Variants in DBNDD2 observed in about 807,000 individuals in gnomAD.
The protein encoded by DBNDD2 is dysbindin domain containing 2.
DBNDD2 carries 8 observed loss-of-function variants against 14.0 expected under a neutral mutation model. That is an observed-to-expected ratio of 0.57 (90% confidence interval 0.33 to 1.03). The LOEUF is 1.03. Ranked by LOEUF, DBNDD2 falls within the 50% of genes least tolerant of loss-of-function variation. The pLI, the probability that DBNDD2 is intolerant of heterozygous loss-of-function variation, is 0.03. For synonymous variants in DBNDD2, 94 were observed against 85.3 expected (o/e 1.10, Z -0.56); for missense variants, 194 against 206.0 (o/e 0.94, Z 0.36).
At position 45,408,354 on chromosome 20, in the gene DBNDD2, G is replaced by T; in HGVS notation, c.-114G>T. 17 of 1,611,732 alleles carry T rather than the reference G, an allele frequency of 1.1e-5. No homozygotes were observed. The highest frequency in any genetic ancestry group is 1.3e-5 in the Non-Finnish European group (15 of 1,179,254). On this transcript the variant is annotated 5_prime_UTR_variant, in exon 1 of 3. Transcript: ENST00000372710. ...AGAGGTGTCCAGGCCGGAGCCAGGG[G>T]CCCCACTGTTGGGATGCTGGCTGCA...
chr20:45,409,863 T>C (rs1013796328), intron 2 of DBNDD2, 69 bp from the exon 3 acceptor site: 4 of 1,503,688 alleles, frequency 2.7e-6, no homozygotes, highest in Non-Finnish European at 3.6e-6. Flanking sequence ...TAGTTACTCC[T>C]GGCCAGATAA....
chr20:45,407,822 G>T, upstream of DBNDD2: 1 of 1,071,016 alleles, frequency 9.3e-7, no homozygotes. Context: ...ACTAAGACCA[G>T]AAAGGTGATT....
chr20:45,406,775 C>T (rs1989430873), upstream of DBNDD2: 4 of 1,258,846 alleles, frequency 3.2e-6, no homozygotes, highest in Non-Finnish European at 4.0e-6. Flanking sequence ...CGCGGTGGAC[C>T]GCGGAGGGGA....
At chr20:45,407,917 T>G, upstream of DBNDD2, 3 of 1,306,562 alleles carry the variant, frequency 2.3e-6, no homozygotes, top group African/African-American at 1.8e-5. Flanking sequence ...CGTGTGTACG[T>G]GTTTGTGTGG....
At chr20:45,406,392 C>G (rs565797678), upstream of DBNDD2, 1,424 of 1,429,716 alleles carry the variant, frequency 1.0e-3, 4 homozygotes, top group South Asian at 1.3e-3. Context: ...CGGAGACTAG[C>G]GCACCGGCGT....
upstream of DBNDD2, chr20:45,407,787 G>A (rs1989544199): frequency 9.7e-7 from 1 of 1,029,820 alleles, no homozygotes; most frequent in Non-Finnish European, 1.2e-6. Flanking sequence ...CAGGTAGGTT[G>A]GTTATGCCAT....
At chr20:45,408,661 T>C in intron 1 of DBNDD2, 55 bp downstream of exon 1, 2 of 1,593,890 alleles carry the variant, frequency 1.3e-6, no homozygotes, top group Non-Finnish European at 1.7e-6. Context: ...GGATGTCCTG[T>C]GGGTCCTGAA....
upstream of DBNDD2, chr20:45,406,029 G>A (rs1014735158): frequency 3.8e-5 from 6 of 159,026 alleles, no homozygotes; most frequent in African/African-American, 7.2e-5. Context: ...TTGGTAGGTT[G>A]GGCGGCGGCT....
upstream of DBNDD2, chr20:45,406,413 G>A (rs995568631): frequency 1.3e-6 from 2 of 1,492,544 alleles, no homozygotes; most frequent in African/African-American, 2.9e-5. Context: ...CGGTGGCGAG[G>A]GTGGTGCAGA....
chr20:45,406,771 G>A, upstream of DBNDD2: 1 of 1,261,136 alleles, frequency 7.9e-7, no homozygotes, highest in Non-Finnish European at 9.9e-7. Context: ...GTGCCGCGGT[G>A]GACCGCGGAG....
chr20:45,408,912 ATCC>A lies in DBNDD2; in HGVS notation c.255_257del (p.Pro87del). On this transcript the variant is annotated inframe_deletion, in exon 2 of 3. Coordinates refer to ENST00000372710, the MANE Select transcript of DBNDD2 (RefSeq NM_001048225.4). ...GCAGATGTGTTCTTGCCTTGCGAAG[ATCC>A]TCCACCAACCCCCCAGTCGTCTGGT... is the stretch of plus-strand genomic sequence containing the variant. 6.2e-7 allele frequency: 1 copy of A among 1,614,056 alleles called. No individual in the cohort carries two copies. Among genetic ancestry groups the A allele is most frequent in the African/African-American group, 1.3e-5 (1 of 74,994 alleles).
In DBNDD2 at chr20:45,408,466, A is replaced by C. The variant is rs1204533827; in HGVS notation, c.-2A>C. Reference sequence around the variant, plus strand: ...TTTGCTCCTCTACCCGCAGGAGCTGACATGGACCCAAATCCTCGGGCCGCC... The same window carrying C: ...TTTGCTCCTCTACCCGCAGGAGCTGCCATGGACCCAAATCCTCGGGCCGCC... On this transcript the variant is annotated 5_prime_UTR_variant, in exon 1 of 3. The change abolishes the stop of an existing upstream ORF in the 5' untranslated region. Coordinates refer to ENST00000372710, the MANE Select transcript of DBNDD2 (RefSeq NM_001048225.4). 1.9e-6 allele frequency: 3 copies of C among 1,614,262 alleles called. No individual in the cohort carries two copies. The highest frequency in any genetic ancestry group is 2.5e-6 in the Non-Finnish European group (3 of 1,180,048).
chr20:45,410,095 G>A lies in DBNDD2; in HGVS notation c.441G>A (p.Glu147=), dbSNP rs1600793451. The change falls in exon 3 of 3, where the codon GAG becomes GAA. Residue 147 remains glutamate (E), a synonymous_variant. Transcript: ENST00000372710. ...ADTPLAQSDE[E]EERGDGGAEP... ...CGCCCTTGGCACAGTCGGATGAAGA[G>A]GAGGAAAGGGGTGATGGAGGGGCAG... is the stretch of plus-strand genomic sequence containing the variant. 9 of 1,553,270 alleles carry A rather than the reference G, an allele frequency of 5.8e-6. No homozygotes were observed. In the East Asian group the frequency reaches 2.2e-4, roughly 38 times the overall value.
upstream of DBNDD2, chr20:45,407,337 G>A (rs552945175): frequency 1.9e-4 from 187 of 985,750 alleles, 1 homozygote; most frequent in Non-Finnish European, 2.2e-4. Flanking sequence ...GGCCAGTCGG[G>A]GTTGGGTCCC....
At chr20:45,408,706 C>A in intron 1 of DBNDD2, 95 bp from the exon 2 acceptor site, 1 of 1,574,488 alleles carries the variant, frequency 6.4e-7, no homozygotes, top group South Asian at 1.1e-5. Flanking sequence ...GTTTTCTTGG[C>A]CCTCTATGCT....
At chr20:45,406,660 G>A, upstream of DBNDD2, 1 of 1,347,852 alleles carries the variant, frequency 7.4e-7, no homozygotes, top group Non-Finnish European at 9.5e-7. Flanking sequence ...GGCCGGCGCG[G>A]CTCGCTCCCA....
chr20:45,408,645 T>C (rs921684054), intron 1 of DBNDD2, 39 bp downstream of exon 1: 5 of 1,600,328 alleles, frequency 3.1e-6, no homozygotes, highest in Non-Finnish European at 3.4e-6. Context: ...TGGGGTAGGG[T>C]AGGGAGGATG....
chr20:45,406,339 G>T (rs1989371613), upstream of DBNDD2: 5 of 1,033,532 alleles, frequency 4.8e-6, no homozygotes, highest in South Asian at 8.9e-5. Flanking sequence ...CGCCCGCCGC[G>T]GGTCTGCGCG....
In DBNDD2 at chr20:45,410,129, G is replaced by C; in HGVS notation, c.475G>C (p.Ala159Pro). Reference protein sequence around the residue: ...ERGDGGAEPGACS With the variant: ...ERGDGGAEPGPCS ...GGGTGATGGAGGGGCAGAGCCTGGA[G>C]CCTGCAGCTAGCAGTGGGCCCCTGC... The change falls in exon 3 of 3, where the codon GCC becomes CCC. Residue 159 changes from alanine (A) to proline (P), a missense_variant. Transcript: ENST00000372710. 1 of 1,551,928 alleles carries C rather than the reference G, an allele frequency of 6.4e-7. No individual in the cohort carries two copies. The highest frequency in any genetic ancestry group is 8.7e-7 in the Non-Finnish European group (1 of 1,147,148).
Sources: allele counts gnomAD v4.1 joint callset, GRCh38; gene constraint gnomAD v4.1.1; transcripts MANE v1.5; gene names NCBI Gene and HGNC (gene_info 2026-07-23, HGNC 2026-07-21).